Variants in SPRED1 observed in about 807,000 individuals in gnomAD.
The protein encoded by SPRED1 is sprouty-related, EVH1 domain-containing protein 1.
SPRED1 carries 18 observed loss-of-function variants against 52.3 expected under a neutral mutation model. That is an observed-to-expected ratio of 0.34 (90% CI 0.24 to 0.51). SPRED1 has a LOEUF of 0.51. Among genes scored for constraint, SPRED1 ranks in the 20% least tolerant of loss-of-function variants. The pLI, the probability that SPRED1 is intolerant of heterozygous loss-of-function variation, is 0.97. For synonymous variants in SPRED1, 155 were observed against 179.7 expected, an observed-to-expected ratio of 0.86 and a Z score of 1.10; for missense variants, 485 against 551.0, an observed-to-expected ratio of 0.88 and a Z score of 1.20.
chr15:38,351,520 C>T lies in SPRED1; in HGVS notation c.1191C>T (p.Asp397=), dbSNP rs749745659. 31 of 1,613,938 alleles carry T rather than the reference C, an allele frequency of 1.9e-5. No individual in the cohort carries two copies. Among genetic ancestry groups the T allele is most frequent in the Admixed American group, 1.7e-4 (10 of 59,986 alleles). Residue 397 remains aspartate, a synonymous_variant, in exon 7 of 7, where the codon GAC becomes GAT. Coordinates refer to ENST00000299084, the MANE Select transcript of SPRED1 (RefSeq NM_152594.3). ...ATCCCTGTTCGTGTGACACTAGCGA[C>T]GACAAGTTCTGCTTGCGATGGTTAG... The part of the protein sequence containing the change: ...FSDPCSCDTS[D]DKFCLRWLAL...
chr15:38,284,595 G>A (rs368684910), intron 1 of SPRED1, among the ~76,000 whole-genome samples: 9 of 152,106 alleles, frequency 5.9e-5, no homozygotes, highest in African/African-American at 2.2e-4. Context: ...GAAGTTTTAA[G>A]TGGTATTACC....
At chr15:38,350,871 A>G (rs1888467849) in intron 6 of SPRED1, 143 bp from the exon 7 acceptor site, 1 of 855,058 alleles carries the variant, frequency 1.2e-6, no homozygotes, top group Non-Finnish European at 1.9e-6. Context: ...CACCAACTGA[A>G]ATGTTGATCT....
chr15:38,328,561 G>C (rs1158959290), intron 4 of SPRED1, among the ~76,000 whole-genome samples: 1 of 152,130 alleles, frequency 6.6e-6, no homozygotes, highest in Non-Finnish European at 1.5e-5. Flanking sequence ...CTGATGTGTA[G>C]TATAGTGCTA....
At chr15:38,262,655 G>T (rs1266356131) in intron 1 of SPRED1, among the ~76,000 whole-genome samples, 1 of 152,182 alleles carries the variant, frequency 6.6e-6, no homozygotes, top group Non-Finnish European at 1.5e-5. Flanking sequence ...ACCAACTGTG[G>T]GGCAAGGGAT....
chr15:38,291,318 C>T (rs920616947), intron 1 of SPRED1, among the ~76,000 whole-genome samples: 6 of 152,202 alleles, frequency 3.9e-5, no homozygotes, highest in African/African-American at 1.4e-4. Flanking sequence ...CTCCTCCTGG[C>T]TGCTTTCACA....
At chr15:38,293,057 A>G (rs1410404767) in intron 1 of SPRED1, among the ~76,000 whole-genome samples, 1 of 149,534 alleles carries the variant, frequency 6.7e-6, no homozygotes, top group Non-Finnish European at 1.5e-5. Flanking sequence ...TAGACCAGGA[A>G]TAGGGATATA....
chr15:38,323,546 CAAGA>C (rs1397605306), intron 3 of SPRED1, among the ~76,000 whole-genome samples: 2 of 151,236 alleles, frequency 1.3e-5, no homozygotes, highest in Non-Finnish European at 2.9e-5. Context: ...TCAAAAACTC[CAAGA>C]AAGTTCAAAT....
chr15:38,253,797 A>G (rs1340966412), intron 1 of SPRED1, among the ~76,000 whole-genome samples: 1 of 152,202 alleles, frequency 6.6e-6, no homozygotes, highest in African/African-American at 2.4e-5. Flanking sequence ...GATTAAGGAC[A>G]CCTGGAGTGT....
At chr15:38,262,697 T>G (rs1310043415) in intron 1 of SPRED1, among the ~76,000 whole-genome samples, 2 of 152,170 alleles carry the variant, frequency 1.3e-5, no homozygotes, top group Non-Finnish European at 2.9e-5. Flanking sequence ...AGACACAATA[T>G]GAGCATGGCA....
intron 1 of SPRED1, among the ~76,000 whole-genome samples, chr15:38,296,340 C>G (rs1895039512): frequency 6.6e-6 from 1 of 152,108 alleles, no homozygotes; most frequent in African/African-American, 2.4e-5. Flanking sequence ...GATTGTTAAT[C>G]AAATTACAAA....
At chr15:38,327,939 A>G (rs1345088901) in intron 4 of SPRED1, among the ~76,000 whole-genome samples, 1 of 152,232 alleles carries the variant, frequency 6.6e-6, no homozygotes, top group African/African-American at 2.4e-5. Context: ...TGCAAAAGAA[A>G]ACTCTTAAAT....
At chr15:38,310,676 G>A (rs7359238) in intron 2 of SPRED1, among the ~76,000 whole-genome samples, 145,903 of 152,276 alleles carry the variant, frequency 0.96, 70,189 homozygotes, top group East Asian at 1. Context: ...TTGTATACCT[G>A]AATGTTTTTC....
At chr15:38,323,493 A>G (rs1895646041) in intron 3 of SPRED1, among the ~76,000 whole-genome samples, 1 of 152,150 alleles carries the variant, frequency 6.6e-6, no homozygotes, top group Non-Finnish European at 1.5e-5. Context: ...CTCCAGACCA[A>G]TTGAATCTAT....
At chr15:38,350,690 G>A (rs897655305) in intron 6 of SPRED1, among the ~76,000 whole-genome samples, 1 of 152,180 alleles carries the variant, frequency 6.6e-6, no homozygotes, top group African/African-American at 2.4e-5. Context: ...ATCCAAAACA[G>A]GGTAGGCTGT....
rs529569465 is a variant in SPRED1 at position 38,286,331 on chromosome 15, T to C, written c.33-13042T>C. 3.1e-4 allele frequency among the ~76,000 whole-genome samples: 47 copies of C among 152,186 alleles called. 1 individual carries two copies. The Middle Eastern group carries it at 0.017, about 55-fold the overall frequency. Reference sequence around the variant, plus strand: ...ATTTTTATTGTGAATTGGCTCTTTTTGTATGTGTGACAATTTCTAAATCAT... The same window carrying C: ...ATTTTTATTGTGAATTGGCTCTTTTCGTATGTGTGACAATTTCTAAATCAT... On this transcript the variant is annotated intron_variant, in intron 1 of 6. Coordinates refer to ENST00000299084, the MANE Select transcript of SPRED1 (RefSeq NM_152594.3).
chr15:38,347,461 CTTTTTTTTT>C (rs3075337), intron 5 of SPRED1, among the ~76,000 whole-genome samples: 1 of 93,224 alleles, frequency 1.1e-5, no homozygotes, highest in Non-Finnish European at 2.1e-5. Flanking sequence ...CCGCTTGGAT[CTTTTTTTTT>C]TTTTTTTTTT....
intron 1 of SPRED1, among the ~76,000 whole-genome samples, chr15:38,292,275 T>C (rs150511043): frequency 1.6e-4 from 25 of 152,306 alleles, no homozygotes; most frequent in Non-Finnish European, 3.2e-4. Flanking sequence ...ACTATCAGCA[T>C]TTTTGTCAAA....
chr15:38,335,279 G>A (rs143974836), intron 4 of SPRED1, among the ~76,000 whole-genome samples: 39 of 152,080 alleles, frequency 2.6e-4, no homozygotes, highest in South Asian at 1.7e-3. Context: ...TTTGGTAATT[G>A]GAAACCTTAA....
At chr15:38,339,922 G>C (rs756609651) in intron 5 of SPRED1, 27 bp downstream of exon 5, 1 of 1,613,218 alleles carries the variant, frequency 6.2e-7, no homozygotes, top group South Asian at 1.1e-5. Context: ...TTTTTTCGGC[G>C]CGTTGTTTAT....
Sources: allele counts gnomAD v4.1 joint callset (sites outside exome capture counted in the v4.1 genomes callset), GRCh38; gene constraint gnomAD v4.1.1; transcripts MANE v1.5; gene names NCBI Gene and HGNC (gene_info 2026-07-23, HGNC 2026-07-21).